Variants in ACSM4 observed in about 807,000 individuals in gnomAD.
The protein encoded by ACSM4 is acyl-CoA synthetase medium chain family member 4, also known as acyl-coenzyme A synthetase ACSM4, mitochondrial.
Under a neutral mutation model 73.0 loss-of-function variants are expected in ACSM4, and 66 were observed. The observed-to-expected ratio is 0.90, with a 90% CI of 0.74 to 1.11. The LOEUF is 1.11. ACSM4 is among the 50% of genes least tolerant of loss of function. ACSM4 has a pLI of 0.00. For missense variants in ACSM4, 645 were observed against 714.4 expected, an observed-to-expected ratio of 0.90 and a Z score of 1.11; for synonymous variants, 222 against 254.0, an observed-to-expected ratio of 0.87 and a Z score of 1.20.
chr12:7,307,713 A>G (rs1465059733), intron 2 of ACSM4, among the ~76,000 whole-genome samples: 1 of 152,232 alleles, frequency 6.6e-6, no homozygotes, highest in African/African-American at 2.4e-5. Flanking sequence ...TATTTACATA[A>G]GTAATTTTAA....
chr12:7,318,201 C>A lies in ACSM4; in HGVS notation c.921+19C>A, dbSNP rs1369533371. The A allele has an allele frequency of 6.2e-7, 1 of 1,610,376 alleles. No individual in the cohort carries two copies. The highest frequency in any genetic ancestry group is 1.1e-5 in the South Asian group (1 of 90,652). ...CCTAGACGTAAGTCATGTCCTCCAG[C>A]TAGATAGATCTTTAGAGTTCTTCCT... On this transcript the variant is annotated intron_variant, in intron 5 of 12. Transcript: ENST00000399422.
At chr12:7,311,342 A>T (rs1191977100) in intron 3 of ACSM4, among the ~76,000 whole-genome samples, 4 of 151,920 alleles carry the variant, frequency 2.6e-5, no homozygotes. Context: ...CCTGGACCAC[A>T]TCTCCCACCA....
At chr12:7,318,214 T>TA in intron 5 of ACSM4, 32 bp downstream of exon 5, 1 of 1,603,466 alleles carries the variant, frequency 6.2e-7, no homozygotes, top group Non-Finnish European at 8.5e-7. Context: ...GATAGATCTT[T>TA]AGAGTTCTTC....
chr12:7,319,517 G>A (rs1946444129), intron 5 of ACSM4, among the ~76,000 whole-genome samples: 1 of 148,866 alleles, frequency 6.7e-6, no homozygotes, highest in Non-Finnish European at 1.5e-5. Flanking sequence ...TTGAATCTGG[G>A]AGGCAGAGGT....
chr12:7,318,923 C>T (rs1946440381), intron 5 of ACSM4, among the ~76,000 whole-genome samples: 1 of 152,130 alleles, frequency 6.6e-6, no homozygotes, highest in Admixed American at 6.5e-5. Context: ...TTTTTGGTAC[C>T]AGGGACTGGA....
chr12:7,317,967 G>A, intron 4 of ACSM4, 59 bp from the exon 5 acceptor site: 3 of 1,571,542 alleles, frequency 1.9e-6, no homozygotes, highest in Non-Finnish European at 2.6e-6. Context: ...AAAGATACCA[G>A]TTTGTAATTT....
chr12:7,310,106 A>C (rs1290663232), intron 2 of ACSM4, among the ~76,000 whole-genome samples: 1 of 152,192 alleles, frequency 6.6e-6, no homozygotes, highest in Non-Finnish European at 1.5e-5. Flanking sequence ...TGGTTTAGAG[A>C]ATTGAATGAG....
chr12:7,318,444 T>A, intron 5 of ACSM4: 1 of 386,506 alleles, frequency 2.6e-6, no homozygotes. Context: ...AATCTGTAGC[T>A]ACTTAAGAAA....
intron 6 of ACSM4, 116 bp from the exon 7 acceptor site, chr12:7,322,302 T>A: frequency 7.0e-7 from 1 of 1,428,236 alleles, no homozygotes; most frequent in Admixed American, 1.7e-5. Flanking sequence ...TTGAATGAAC[T>A]TTGCTAAGAC....
At chr12:7,326,553 G>T (rs756492070) in intron 11 of ACSM4, among the ~76,000 whole-genome samples, 1 of 152,048 alleles carries the variant, frequency 6.6e-6, no homozygotes, top group African/African-American at 2.4e-5. Flanking sequence ...TCCTTCCTCC[G>T]TTGAGACCCT....
intron 5 of ACSM4, among the ~76,000 whole-genome samples, chr12:7,318,745 T>C (rs1335311560): frequency 6.6e-6 from 1 of 152,230 alleles, no homozygotes; most frequent in Non-Finnish European, 1.5e-5. Context: ...CTTTAGACTT[T>C]AGAAAAATGT....
At chr12:7,306,394 T>C (rs1472689643) in intron 1 of ACSM4, 139 bp from the exon 2 acceptor site, 1 of 765,452 alleles carries the variant, frequency 1.3e-6, no homozygotes. Context: ...AGAGGGGCAG[T>C]TCCCTCAAAG....
At chr12:7,325,482 A>G (rs984693261) in intron 11 of ACSM4, among the ~76,000 whole-genome samples, 2 of 152,192 alleles carry the variant, frequency 1.3e-5, no homozygotes, top group African/African-American at 4.8e-5. Flanking sequence ...CCCTGTCTCT[A>G]CTAAAAATAC....
At chr12:7,328,110 A>ATAGTG (rs1241551496) in intron 12 of ACSM4, among the ~76,000 whole-genome samples, 177 bp from the exon 13 acceptor site, 2 of 152,198 alleles carry the variant, frequency 1.3e-5, no homozygotes, top group African/African-American at 4.8e-5. Context: ...ATGGAGCTAC[A>ATAGTG]CTATCACCCT....
In ACSM4 at chr12:7,320,930, G is replaced by A. The variant is rs923053620; in HGVS notation, c.1001+126G>A. ...CTTACCACCACTGACATTTTGAACC[G>A]AATAATTCTATCGTCGGAGGACGGT... On this transcript the variant is annotated intron_variant, in intron 6 of 12. Coordinates refer to ENST00000399422, the MANE Select transcript of ACSM4 (RefSeq NM_001080454.2). 1.3e-5 allele frequency: 11 copies of A among 843,642 alleles called. No homozygotes were observed. The East Asian group carries it at 2.1e-4, about 16-fold the overall frequency. 52.3% of individuals were successfully genotyped at this position (843,642 alleles called of 1,614,324 possible).
intron 7 of ACSM4, among the ~76,000 whole-genome samples, chr12:7,322,912 T>TGGCCC (rs778410249): frequency 1.4e-4 from 21 of 152,222 alleles, no homozygotes; most frequent in East Asian, 1.4e-3. Flanking sequence ...TTTCAAAGTG[T>TGGCCC]GGCCCTCAAA....
rs903298373 is a variant in ACSM4, at chr12:7,328,183, C to T, written c.1657-104C>T. ...CAATGAGCTTAGGCTAAGATAATCTCGACTTTAAAATTCAGTCTGAGTTCC... is the reference window on the plus strand; with the variant it reads ...CAATGAGCTTAGGCTAAGATAATCTTGACTTTAAAATTCAGTCTGAGTTCC... On this transcript the variant is annotated intron_variant, in intron 12 of 12. Transcript: ENST00000399422. 18 of 822,446 alleles carry T rather than the reference C, an allele frequency of 2.2e-5. No individual in the cohort carries two copies. The African/African-American group carries it at 3.0e-4, about 14-fold the overall frequency. The allele number at this position is 822,446 out of a possible 1,614,324, so 50.9% of individuals were successfully genotyped here.
chr12:7,322,319 C>G, intron 6 of ACSM4, 99 bp from the exon 7 acceptor site: 1 of 1,537,110 alleles, frequency 6.5e-7, no homozygotes, highest in Non-Finnish European at 9.0e-7. Flanking sequence ...AGACTTGCCT[C>G]TCCTAGCTGC....
intron 5 of ACSM4, among the ~76,000 whole-genome samples, chr12:7,320,294 T>C (rs973860218): frequency 1.3e-5 from 2 of 152,218 alleles, no homozygotes; most frequent in African/African-American, 2.4e-5. Flanking sequence ...TGAAAAAGAC[T>C]AATGTATTTT....
Sources: gnomAD v4.1 joint callset for allele counts (sites outside exome capture counted in the v4.1 genomes callset) on GRCh38, gnomAD v4.1.1 for gene constraint, MANE v1.5 for transcripts, NCBI Gene and HGNC (gene_info 2026-07-23, HGNC 2026-07-21) for gene names.